Variants in RAD51B observed in about 807,000 individuals in gnomAD.
The protein encoded by RAD51B is RAD51 paralog B.
Under a neutral mutation model 42.2 loss-of-function variants are expected in RAD51B, and 38 were observed. That is an observed-to-expected ratio of 0.90 (90% CI 0.70 to 1.18). The LOEUF is 1.18. Ranked by LOEUF, RAD51B falls within the 50% of genes most tolerant of loss-of-function variation. The pLI is 0.00. For synonymous variants in RAD51B, 154 were observed against 145.2 expected (o/e 1.06, Z -0.43); for missense variants, 373 against 400.7 (o/e 0.93, Z 0.59).
intron 7 of RAD51B, among the ~76,000 whole-genome samples, chr14:68,209,910 T>C (rs1311308701): frequency 2.6e-5 from 4 of 152,074 alleles, no homozygotes; most frequent in Non-Finnish European, 5.9e-5. Flanking sequence ...TATTTGGCAC[T>C]GGAATTTCAT....
chr14:67,893,479 C>A (rs918279999), intron 7 of RAD51B, among the ~76,000 whole-genome samples: 4 of 62,312 alleles, frequency 6.4e-5, no homozygotes, highest in Non-Finnish European at 6.7e-5. Flanking sequence ...CACACACACA[C>A]ACACACACAC....
At chr14:68,231,057 A>T (rs1428725646) in intron 7 of RAD51B, among the ~76,000 whole-genome samples, 1 of 152,210 alleles carries the variant, frequency 6.6e-6, no homozygotes, top group Non-Finnish European at 1.5e-5. Context: ...ACAAATAGCT[A>T]GAGGGATATT....
At chr14:68,500,787 G>A (rs558210201) in intron 10 of RAD51B, among the ~76,000 whole-genome samples, 1 of 152,354 alleles carries the variant, frequency 6.6e-6, no homozygotes, top group East Asian at 1.9e-4. Flanking sequence ...TCTCTCTGGT[G>A]TGAGAAGCTG....
chr14:68,340,869 C>T (rs1379898933), intron 8 of RAD51B, among the ~76,000 whole-genome samples: 1 of 152,214 alleles, frequency 6.6e-6, no homozygotes, highest in African/African-American at 2.4e-5. Flanking sequence ...CAATGGAGAA[C>T]AGTCTGCCTT....
At chr14:68,503,529 G>A (rs1885072541) in intron 10 of RAD51B, among the ~76,000 whole-genome samples, 1 of 152,166 alleles carries the variant, frequency 6.6e-6, no homozygotes, top group Admixed American at 6.5e-5. Flanking sequence ...TACCCTGGGA[G>A]ATGAATGGGG....
chr14:68,093,850 C>T (rs943104491), intron 7 of RAD51B, among the ~76,000 whole-genome samples: 1 of 152,078 alleles, frequency 6.6e-6, no homozygotes, highest in Admixed American at 6.6e-5. Context: ...CTGGTACTCT[C>T]CAGGGTATGT....
chr14:68,562,970 G>A lies in RAD51B; in HGVS notation c.1037-31515G>A, dbSNP rs1044859181. The A allele has an allele frequency of 9.1e-6, 9 of 985,428 alleles. No individual in the cohort carries two copies. The Admixed American group carries it at 4.3e-4, about 47-fold the overall frequency. The allele number at this position is 985,428 out of a possible 1,614,324, so 61.0% of individuals were successfully genotyped here. On this transcript the variant is annotated intron_variant, in intron 10 of 10. Transcript: ENST00000487270. The stretch of plus-strand genomic sequence containing the variant: ...AAAGGAAGCAATAGTGTGCTCCACG[G>A]AAGGCCCGGGCTGCTGCCGGTCCCT...
intron 7 of RAD51B, among the ~76,000 whole-genome samples, chr14:68,270,045 G>A (rs1376019013): frequency 1.3e-5 from 2 of 152,176 alleles, no homozygotes; most frequent in Non-Finnish European, 2.9e-5. Context: ...TACATTTCAG[G>A]TAGTCATGTA....
chr14:67,924,086 T>C (rs1289888612), intron 7 of RAD51B, among the ~76,000 whole-genome samples: 2 of 152,232 alleles, frequency 1.3e-5, no homozygotes, highest in African/African-American at 4.8e-5. Flanking sequence ...TTTGTTTTTT[T>C]CTTGCTGATT....
downstream of RAD51B, chr14:68,596,144 C>CCCCAG: frequency 5.1e-6 from 3 of 587,846 alleles, no homozygotes; most frequent in Non-Finnish European, 6.6e-6. Flanking sequence ...ACTTCTGGGG[C>CCCCAG]AAGAGGCACA....
At chr14:68,222,015 C>T (rs2079939423) in intron 7 of RAD51B, among the ~76,000 whole-genome samples, 1 of 152,084 alleles carries the variant, frequency 6.6e-6, no homozygotes, top group Admixed American at 6.5e-5. Flanking sequence ...GCAAGAATGG[C>T]CATAATCAAA....
chr14:68,484,359 C>CTTTTTTTTTTTTTTT (rs10665607), intron 10 of RAD51B, among the ~76,000 whole-genome samples: 2 of 130,168 alleles, frequency 1.5e-5, no homozygotes, highest in African/African-American at 3.0e-5. Flanking sequence ...CTTTCTTTTT[C>CTTTTTTTTTTTTTTT]TTTTTTTTTT....
intron 7 of RAD51B, among the ~76,000 whole-genome samples, chr14:67,999,071 G>A (rs2075434703): frequency 6.6e-6 from 1 of 151,804 alleles, no homozygotes; most frequent in African/African-American, 2.4e-5. Context: ...TCCTTGTGGT[G>A]CATTCCAGAA....
intron 7 of RAD51B, chr14:68,069,790 T>A (rs955216242): frequency 6.6e-6 from 1 of 152,050 alleles, no homozygotes; most frequent in African/African-American, 2.4e-5. Flanking sequence ...TTAATACATT[T>A]CTTTGGGTAT....
At chr14:68,435,694 T>C (rs550777148) in intron 9 of RAD51B, among the ~76,000 whole-genome samples, 1 of 152,238 alleles carries the variant, frequency 6.6e-6, no homozygotes, top group Admixed American at 6.5e-5. Context: ...TCTGTTGCTT[T>C]TTAACTTTTT....
intron 7 of RAD51B, among the ~76,000 whole-genome samples, chr14:68,100,593 A>G (rs145995875): frequency 6.6e-6 from 1 of 152,270 alleles, no homozygotes; most frequent in East Asian, 1.9e-4. Context: ...TTTACTGGGT[A>G]TGGACCCTGT....
intron 7 of RAD51B, among the ~76,000 whole-genome samples, chr14:68,265,636 C>T (rs1355243643): frequency 3.3e-5 from 5 of 152,074 alleles, no homozygotes; most frequent in Admixed American, 1.3e-4. Context: ...CCTGTAATCC[C>T]AGCTGCTCGG....
chr14:68,115,137 A>G lies in RAD51B; in HGVS notation c.757-176747A>G, dbSNP rs28534048. Reference sequence around the variant, plus strand: ...ATTATTCACAATAGCAAAGACTTGGAACCAACCCAAATGTCCAACAATGAT... The same window carrying G: ...ATTATTCACAATAGCAAAGACTTGGGACCAACCCAAATGTCCAACAATGAT... On this transcript the variant is annotated intron_variant, in intron 7 of 10. Transcript: ENST00000471583. Among the ~76,000 whole-genome samples the G allele has an allele frequency of 3.4e-3, 444 of 131,748 alleles. 6 individuals are homozygous for G. Among genetic ancestry groups the G allele is most frequent in the African/African-American group, 0.015 (362 of 24,882 alleles). 86.4% of individuals were successfully genotyped at this position (131,748 alleles called of 152,430 possible).
intron 7 of RAD51B, among the ~76,000 whole-genome samples, chr14:67,899,529 T>C (rs967627859): frequency 6.6e-6 from 1 of 152,246 alleles, no homozygotes; most frequent in African/African-American, 2.4e-5. Context: ...GGTTTGAACC[T>C]AAGCTCCTTT....
Sources: allele counts gnomAD v4.1 joint callset (sites outside exome capture counted in the v4.1 genomes callset), GRCh38; gene constraint gnomAD v4.1.1; transcripts MANE v1.5; gene names NCBI Gene and HGNC (gene_info 2026-07-23, HGNC 2026-07-21).